USP24: variants seen among roughly 807,000 people sequenced by gnomAD.
The protein encoded by USP24 is ubiquitin carboxyl-terminal hydrolase 24.
USP24 carries 97 observed loss-of-function variants against 361.6 expected under a neutral mutation model. The observed-to-expected ratio is 0.27, with a 90% CI of 0.23 to 0.32. The LOEUF (loss-of-function observed/expected upper bound fraction) is 0.32. Among genes scored for constraint, USP24 ranks in the 10% least tolerant of loss-of-function variants. The probability of loss-of-function intolerance (pLI) is 1.00; values close to 1 mark genes in which losing one functional copy is unlikely to be tolerated. For missense variants in USP24, 2,353 were observed against 3,165.6 expected (o/e 0.74, Z 6.16); for synonymous variants, 1,098 against 1,124.6 (o/e 0.98, Z 0.47).
intron 1 of USP24, among the ~76,000 whole-genome samples, chr1:55,206,657 T>TAA (rs34127046): frequency 0.053 from 6,954 of 130,440 alleles, 386 homozygotes; most frequent in East Asian, 0.15. Context: ...AGAAAAACAG[T>TAA]AAAAAAAAAA....
intron 1 of USP24, among the ~76,000 whole-genome samples, chr1:55,186,145 A>G (rs1644124385): frequency 6.6e-6 from 1 of 152,246 alleles, no homozygotes; most frequent in South Asian, 2.1e-4. Flanking sequence ...TCAATCCTTC[A>G]GTCTTCCAAA....
chr1:55,082,982 T>C (rs925954130), intron 58 of USP24, among the ~76,000 whole-genome samples: 6 of 151,944 alleles, frequency 3.9e-5, no homozygotes, highest in South Asian at 4.2e-4. Context: ...AGAGAGGAAG[T>C]AGAAGACCCC....
intron 6 of USP24, among the ~76,000 whole-genome samples, 195 bp downstream of exon 6, chr1:55,166,373 T>C (rs1648863135): frequency 6.6e-6 from 1 of 152,096 alleles, no homozygotes; most frequent in East Asian, 1.9e-4. Context: ...CTGCAGATAG[T>C]ACTAAGTCCA....
chr1:55,134,285 A>G (rs1476254640), intron 29 of USP24, 43 bp downstream of exon 29: 2 of 1,589,286 alleles, frequency 1.3e-6, no homozygotes, highest in Non-Finnish European at 1.7e-6. Context: ...CCCTAATGTT[A>G]GTAACTTTCT....
At chr1:55,204,288 T>C (rs1644649082) in intron 1 of USP24, among the ~76,000 whole-genome samples, 1 of 152,114 alleles carries the variant, frequency 6.6e-6, no homozygotes, top group Non-Finnish European at 1.5e-5. Flanking sequence ...CCTAAAGCAA[T>C]TTCTCTTTTT....
chr1:55,153,725 C>A, intron 16 of USP24, 145 bp downstream of exon 16: 1 of 896,488 alleles, frequency 1.1e-6, no homozygotes, highest in Non-Finnish European at 1.7e-6. Context: ...AAGCATAGGT[C>A]ATAAACAAAT....
rs1644848648 is a variant in USP24, at chr1:55,067,797, C to CAAA, written c.*1245_*1247dup. ...TGAGCAATTCAAAATACAAAATGTA[C>CAAA]AAAATATATATGAAATATGTGGGTG... On this transcript the variant is annotated 3_prime_UTR_variant, in exon 68 of 68. Coordinates refer to ENST00000294383, the MANE Select transcript of USP24 (RefSeq NM_015306.3). The CAAA allele has an allele frequency of 6.6e-6, 1 of 152,162 alleles. No individual in the cohort carries two copies. The highest frequency in any genetic ancestry group is 2.4e-5 in the African/African-American group (1 of 41,430). 9.4% of individuals were successfully genotyped at this position (152,162 alleles called of 1,614,324 possible). A position where few individuals can be genotyped will look rare whatever the true frequency, so the allele number is the denominator to read the frequency against.
In USP24 at chr1:55,089,750, A is replaced by G. The variant is rs1377334654; in HGVS notation, c.6555-10T>C. On this transcript the variant is annotated splice_polypyrimidine_tract_variant and intron_variant, in intron 54 of 67. Transcript: ENST00000294383. Reference sequence around the variant, plus strand: ...TTCTTCAGTATCAACCCTTTAAAAAAAAGCAGATACAGCAATGTTAGGAGC... The same window carrying G: ...TTCTTCAGTATCAACCCTTTAAAAAGAAGCAGATACAGCAATGTTAGGAGC... The G allele has an allele frequency of 6.4e-7, 1 of 1,572,884 alleles. No homozygotes were observed. The highest frequency in any genetic ancestry group is 1.2e-5 in the South Asian group (1 of 84,796).
At chr1:55,166,534 A>G (rs1338948865) in intron 6 of USP24, 34 bp downstream of exon 6, 14 of 1,558,316 alleles carry the variant, frequency 9.0e-6, no homozygotes, top group Non-Finnish European at 1.2e-5. Context: ...AATTGAAAAT[A>G]TGCTACATGA....
intron 8 of USP24, among the ~76,000 whole-genome samples, chr1:55,160,400 A>C (rs1240946502): frequency 6.6e-6 from 1 of 152,186 alleles, no homozygotes; most frequent in Non-Finnish European, 1.5e-5. Context: ...GTTATGGTTA[A>C]GAGAGTCATA....
At chr1:55,148,347 G>C (rs570390662) in intron 17 of USP24, 116 bp downstream of exon 17, 1 of 648,682 alleles carries the variant, frequency 1.5e-6, no homozygotes, top group African/African-American at 2.2e-5. Flanking sequence ...TGATATAAGT[G>C]AATTACATCA....
intron 1 of USP24, among the ~76,000 whole-genome samples, chr1:55,211,137 T>C (rs1240836174): frequency 6.6e-6 from 1 of 152,130 alleles, no homozygotes; most frequent in Non-Finnish European, 1.5e-5. Flanking sequence ...CAGAACCAAT[T>C]GGTACGCACT....
chr1:55,069,034 G>T lies in USP24; in HGVS notation c.*11C>A. On this transcript the variant is annotated 3_prime_UTR_variant, in exon 68 of 68. Coordinates refer to ENST00000294383, the MANE Select transcript of USP24 (RefSeq NM_015306.3). ...TTGTGTCTTGACTCCTCTCAGGCTGGGCATGTTCCTCTAGGGATCAACATC... is the reference window on the plus strand; with the variant it reads ...TTGTGTCTTGACTCCTCTCAGGCTGTGCATGTTCCTCTAGGGATCAACATC... The T allele has an allele frequency of 6.2e-7, 1 of 1,613,738 alleles. No homozygotes were observed. Among genetic ancestry groups the T allele is most frequent in the Non-Finnish European group, 8.5e-7 (1 of 1,179,718 alleles).
In USP24 at chr1:55,079,904, C is replaced by T. The variant is rs544882361; in HGVS notation, c.7079-245G>A. Among the ~76,000 whole-genome samples, 14 of 151,402 alleles carry T rather than the reference C, an allele frequency of 9.2e-5. No homozygotes were observed. The East Asian group carries it at 1.4e-3, about 15-fold the overall frequency. On this transcript the variant is annotated intron_variant, in intron 59 of 67. Coordinates refer to ENST00000294383, the MANE Select transcript of USP24 (RefSeq NM_015306.3). ...ACAGTACTCGCACACACAGAGAACTCGCACACAGAGTACTCGCACACACAC... is the reference window on the plus strand; with the variant it reads ...ACAGTACTCGCACACACAGAGAACTTGCACACAGAGTACTCGCACACACAC...
chr1:55,126,584 A>T (rs1011467436), intron 32 of USP24, among the ~76,000 whole-genome samples: 1 of 152,262 alleles, frequency 6.6e-6, no homozygotes, highest in African/African-American at 2.4e-5. Context: ...TGACATACAC[A>T]AATAAGCCAA....
intron 1 of USP24, among the ~76,000 whole-genome samples, chr1:55,189,709 A>G (rs752748500): frequency 5.3e-5 from 8 of 152,318 alleles, no homozygotes; most frequent in Non-Finnish European, 8.8e-5. Context: ...CTTTCTCAAT[A>G]AAGCTGTTAT....
At chr1:55,147,214 A>C (rs1299646527) in intron 18 of USP24, among the ~76,000 whole-genome samples, 154 bp from the exon 19 acceptor site, 1 of 152,224 alleles carries the variant, frequency 6.6e-6, no homozygotes, top group Non-Finnish European at 1.5e-5. Context: ...TCTGTTTACA[A>C]ATTGATAGTA....
intron 55 of USP24, among the ~76,000 whole-genome samples, chr1:55,087,823 A>T (rs1645285463): frequency 6.6e-6 from 1 of 152,242 alleles, no homozygotes; most frequent in Non-Finnish European, 1.5e-5. Flanking sequence ...GACTGGGAAC[A>T]GCCTCTCAGA....
intron 50 of USP24, among the ~76,000 whole-genome samples, chr1:55,096,246 T>C (rs1645493280): frequency 6.6e-6 from 1 of 152,234 alleles, no homozygotes. Flanking sequence ...CATTTCATCC[T>C]TTTAACTTAC....
Sources: gnomAD v4.1 joint callset for allele counts (sites outside exome capture counted in the v4.1 genomes callset) on GRCh38, gnomAD v4.1.1 for gene constraint, MANE v1.5 for transcripts, NCBI Gene and HGNC (gene_info 2026-07-23, HGNC 2026-07-21) for gene names.